BRINP1: variants seen among roughly 807,000 people sequenced by gnomAD.
The protein encoded by BRINP1 is BMP/retinoic acid inducible neural specific 1.
Under a neutral mutation model 72.9 loss-of-function variants are expected in BRINP1, and 17 were observed. The ratio of observed to expected loss-of-function variants is 0.23; its 90% CI spans 0.16 to 0.35. The LOEUF is 0.35. BRINP1 is among the 10% of genes least tolerant of loss of function. The probability of loss-of-function intolerance (pLI) is 1.00; values close to 1 mark genes in which losing one functional copy is unlikely to be tolerated. For synonymous variants in BRINP1, 418 were observed against 378.5 expected (o/e 1.10, Z -1.21); for missense variants, 850 against 1,001.6 (o/e 0.85, Z 2.04).
At chr9:119,364,339 G>A (rs1831668288) in intron 1 of BRINP1, among the ~76,000 whole-genome samples, 1 of 152,146 alleles carries the variant, frequency 6.6e-6, no homozygotes, top group South Asian at 2.1e-4. Flanking sequence ...GGTTTGTGCG[G>A]TAATGAACTT....
At chr9:119,343,134 G>T (rs559113273) in intron 1 of BRINP1, among the ~76,000 whole-genome samples, 1 of 152,272 alleles carries the variant, frequency 6.6e-6, no homozygotes, top group Non-Finnish European at 1.5e-5. Flanking sequence ...CTTCCTCCAG[G>T]TCATTCAGCA....
At chr9:119,202,461 C>T (rs1359791463) in intron 7 of BRINP1, among the ~76,000 whole-genome samples, 1 of 152,110 alleles carries the variant, frequency 6.6e-6, no homozygotes, top group Non-Finnish European at 1.5e-5. Flanking sequence ...CTGAGATAGG[C>T]AATCAGAAAT....
chr9:119,244,121 T>C (rs1830288435), intron 3 of BRINP1, among the ~76,000 whole-genome samples: 1 of 152,222 alleles, frequency 6.6e-6, no homozygotes, highest in Non-Finnish European at 1.5e-5. Context: ...ACAGCACTTC[T>C]GGGATGCCTT....
At chr9:119,248,332 G>A (rs1830344325) in intron 3 of BRINP1, among the ~76,000 whole-genome samples, 1 of 152,178 alleles carries the variant, frequency 6.6e-6, no homozygotes, top group Non-Finnish European at 1.5e-5. Flanking sequence ...ATGCATTCAG[G>A]CAAGATCCAC....
At chr9:119,246,327 A>C (rs899719665) in intron 3 of BRINP1, among the ~76,000 whole-genome samples, 7 of 152,190 alleles carry the variant, frequency 4.6e-5, no homozygotes, top group African/African-American at 1.7e-4. Context: ...GTGTGGGTAC[A>C]ATCTAATCAG....
At chr9:119,289,615 A>G (rs562992461) in intron 2 of BRINP1, among the ~76,000 whole-genome samples, 1 of 152,210 alleles carries the variant, frequency 6.6e-6, no homozygotes, top group Admixed American at 6.5e-5. Context: ...AGATTCTTCT[A>G]TTAATCTGAG....
chr9:119,171,001 C>T (rs1429014264), intron 7 of BRINP1, among the ~76,000 whole-genome samples: 1 of 144,144 alleles, frequency 6.9e-6, no homozygotes, highest in Non-Finnish European at 1.5e-5. Flanking sequence ...TGGAAAGGAA[C>T]AACCGGTACC....
intron 7 of BRINP1, among the ~76,000 whole-genome samples, chr9:119,168,859 CAG>C (rs1421125905): frequency 6.6e-6 from 1 of 152,030 alleles, no homozygotes; most frequent in Admixed American, 6.5e-5. Flanking sequence ...TGTGGAGAAA[CAG>C]GAACACTTTT....
At chr9:119,299,608 G>C (rs1330091143) in intron 2 of BRINP1, among the ~76,000 whole-genome samples, 1 of 139,816 alleles carries the variant, frequency 7.2e-6, no homozygotes, top group African/African-American at 2.7e-5. Flanking sequence ...GCGAGACTCC[G>C]TCTCAAAAAA....
chr9:119,320,509 C>T (rs1403210225), intron 1 of BRINP1, among the ~76,000 whole-genome samples: 1 of 152,128 alleles, frequency 6.6e-6, no homozygotes, highest in African/African-American at 2.4e-5. Context: ...CAAATGGGCA[C>T]TGACTCTACG....
intron 2 of BRINP1, among the ~76,000 whole-genome samples, chr9:119,281,541 T>C (rs1206693531): frequency 1.3e-5 from 2 of 152,250 alleles, no homozygotes; most frequent in South Asian, 4.1e-4. Context: ...TATGGTATCA[T>C]AGGATTCTCT....
chr9:119,227,549 C>T (rs1830104751), intron 5 of BRINP1, among the ~76,000 whole-genome samples: 1 of 151,972 alleles, frequency 6.6e-6, no homozygotes, highest in African/African-American at 2.4e-5. Context: ...TTGAAAGGGC[C>T]TCATCGGCAG....
chr9:119,177,915 A>G (rs1452512909), intron 7 of BRINP1, among the ~76,000 whole-genome samples: 1 of 152,184 alleles, frequency 6.6e-6, no homozygotes, highest in Non-Finnish European at 1.5e-5. Flanking sequence ...ATACAGCAAG[A>G]GGACTTAGAA....
intron 1 of BRINP1, among the ~76,000 whole-genome samples, chr9:119,326,089 T>C (rs1195859117): frequency 1.3e-5 from 2 of 152,222 alleles, no homozygotes; most frequent in Admixed American, 1.3e-4. Context: ...TAGCATTAAA[T>C]CCACAGAACA....
intron 5 of BRINP1, among the ~76,000 whole-genome samples, chr9:119,217,886 T>C (rs1220002087): frequency 6.6e-6 from 1 of 152,026 alleles, no homozygotes; most frequent in Non-Finnish European, 1.5e-5. Context: ...ATCAATATTG[T>C]TCCTCCCATA....
intron 2 of BRINP1, among the ~76,000 whole-genome samples, chr9:119,295,436 T>G (rs1830865850): frequency 6.6e-6 from 1 of 152,222 alleles, no homozygotes; most frequent in Non-Finnish European, 1.5e-5. Flanking sequence ...GCATAGCCTA[T>G]TGCTCTTAGG....
At chr9:119,278,310 C>A (rs1438756584) in intron 2 of BRINP1, among the ~76,000 whole-genome samples, 4 of 152,196 alleles carry the variant, frequency 2.6e-5, no homozygotes, top group Admixed American at 6.5e-5. Context: ...GCACTGGCTG[C>A]GTTTGGAGCC....
intron 3 of BRINP1, among the ~76,000 whole-genome samples, chr9:119,242,979 CTTT>C (rs61706928): frequency 1.4e-5 from 2 of 146,984 alleles, no homozygotes; most frequent in African/African-American, 2.5e-5. Flanking sequence ...TTTCTTTTTT[CTTT>C]TTTTTTTTTT....
intron 5 of BRINP1, among the ~76,000 whole-genome samples, chr9:119,215,697 T>C (rs1829969781): frequency 6.6e-6 from 1 of 152,210 alleles, no homozygotes; most frequent in Non-Finnish European, 1.5e-5. Flanking sequence ...CCTTTCAACC[T>C]GTCTTCACAT....
Sources: allele counts gnomAD v4.1 joint callset (sites outside exome capture counted in the v4.1 genomes callset), GRCh38; gene constraint gnomAD v4.1.1; transcripts MANE v1.5; gene names NCBI Gene and HGNC (gene_info 2026-07-23, HGNC 2026-07-21).